The following TJP2 variants were observed in gnomAD, a reference collection of about 807,000 sequenced individuals.
The protein encoded by TJP2 is tight junction protein 2.
TJP2 carries 91 observed loss-of-function variants against 133.1 expected under a neutral mutation model. The observed-to-expected ratio is 0.68, with a 90% CI of 0.58 to 0.81. The LOEUF is 0.81. TJP2 is among the 40% of genes least tolerant of loss of function. The probability of loss-of-function intolerance (pLI) is 0.00; values close to 1 mark genes in which losing one functional copy is unlikely to be tolerated. For synonymous variants in TJP2, 592 were observed against 583.4 expected (o/e 1.01, Z -0.21); for missense variants, 1,541 against 1,565.6 (o/e 0.98, Z 0.26).
intron 1 of TJP2, among the ~76,000 whole-genome samples, chr9:69,142,618 T>C (rs1230860724): frequency 6.6e-6 from 1 of 152,194 alleles, no homozygotes; most frequent in Non-Finnish European, 1.5e-5. Flanking sequence ...AGGGCATTAG[T>C]TCATTTCCCT....
chr9:69,129,532 C>A (rs1587869776), intron 1 of TJP2, among the ~76,000 whole-genome samples: 2 of 152,134 alleles, frequency 1.3e-5, no homozygotes, highest in Middle Eastern at 3.4e-3. Context: ...AAAACCCCGT[C>A]AATTCTACTT....
chr9:69,248,917 A>G (rs2133473098), intron 19 of TJP2: 1 of 991,468 alleles, frequency 1.0e-6, no homozygotes, highest in East Asian at 1.1e-4. Context: ...ATTTCTCTCT[A>G]GCATTTTAGC....
Position 69,221,327 on chromosome 9 carries a change from C to T in TJP2, c.783C>T (p.Tyr261=), listed in dbSNP as rs774738816. 3.8e-6 allele frequency: 6 copies of T among 1,599,090 alleles called. No homozygotes were observed. The highest frequency in any genetic ancestry group is 1.7e-4 in the Middle Eastern group (1 of 6,036). The change falls in exon 5 of 23, where the codon TAC becomes TAT. Residue 261 remains tyrosine (Y), a synonymous_variant. Coordinates refer to ENST00000377245, the MANE Select transcript of TJP2 (RefSeq NM_004817.4). ...RAYHRAYDPD[Y]ERAYSPEYRR... ...ATCACCGGGCCTACGACCCAGACTA[C>T]GAGCGGGCCTACAGCCCGGAGTACA...
chr9:69,145,846 C>T (rs1379868425), intron 1 of TJP2: 2 of 1,210,814 alleles, frequency 1.7e-6, no homozygotes, highest in Admixed American at 4.2e-5. Flanking sequence ...GGAAGCTTCT[C>T]ACTATAGATG....
chr9:69,151,904 T>C (rs1414283860), intron 2 of TJP2: 31 of 922,182 alleles, frequency 3.4e-5, no homozygotes, highest in African/African-American at 3.4e-5. Context: ...TACATTTTCA[T>C]AGAAAATTTA....
chr9:69,242,135 C>A (rs1830618487), intron 17 of TJP2, among the ~76,000 whole-genome samples: 1 of 152,272 alleles, frequency 6.6e-6, no homozygotes, highest in African/African-American at 2.4e-5. Flanking sequence ...GAGAGCAGGG[C>A]AGAAGAAGGC....
chr9:69,247,342 A>C (rs921907259), intron 18 of TJP2, among the ~76,000 whole-genome samples: 1 of 152,208 alleles, frequency 6.6e-6, no homozygotes, highest in Non-Finnish European at 1.5e-5. Flanking sequence ...GCTGTGCTGC[A>C]GGGAGGAGAG....
chr9:69,149,167 C>T (rs941041316), intron 1 of TJP2, among the ~76,000 whole-genome samples: 1 of 152,088 alleles, frequency 6.6e-6, no homozygotes, highest in African/African-American at 2.4e-5. Flanking sequence ...GGTTTGTATA[C>T]ATGAAAAAAC....
chr9:69,133,894 G>C (rs917925711), intron 1 of TJP2, among the ~76,000 whole-genome samples: 1 of 151,956 alleles, frequency 6.6e-6, no homozygotes, highest in Non-Finnish European at 1.5e-5. Flanking sequence ...TTACCTGGAT[G>C]CCCCAGATTT....
Position 69,221,472 on chromosome 9 carries a change from C to G in TJP2, c.928C>G (p.Leu310Val). ...GCGGCCGGGGCCCATCGGGGTCCTC[C>G]TGATGAAAAGCAGAGCGAACGAAGG... ...RGRPGPIGVL[L>V]MKSRANEEYG... Residue 310 changes from leucine (L) to valine (V), a missense_variant, in exon 5 of 23, where the codon CTG (leucine) becomes GTG (valine). By Grantham distance (32) the Leu-to-Val change is conservative. Coordinates refer to ENST00000377245, the MANE Select transcript of TJP2 (RefSeq NM_004817.4). The G allele has an allele frequency of 6.2e-7, 1 of 1,600,844 alleles. No individual in the cohort carries two copies. The highest frequency in any genetic ancestry group is 8.5e-7 in the Non-Finnish European group (1 of 1,173,546).
In TJP2 at chr9:69,226,065, G is replaced by A. The variant is rs766299633; in HGVS notation, c.1100G>A (p.Arg367Gln). The change falls in exon 7 of 23, where the codon CGA becomes CAA. Residue 367 changes from arginine to glutamine, a missense_variant. Coordinates refer to ENST00000377245, the MANE Select transcript of TJP2 (RefSeq NM_004817.4). ...GAGAACATGTCTTTAACGGATGCTC[G>A]AAAATTGATAGAAAAGTCAAGAGGA... Reference protein sequence around the residue: ...VTENMSLTDARKLIEKSRGKL... With the variant: ...VTENMSLTDAQKLIEKSRGKL... 9.9e-6 allele frequency: 16 copies of A among 1,614,010 alleles called. No homozygotes were observed. The highest frequency in any genetic ancestry group is 2.7e-5 in the African/African-American group (2 of 74,898).
At position 69,229,571 on chromosome 9, in the gene TJP2, A is replaced by G. The variant is rs144175882; in HGVS notation, c.1520+321A>G. ...TAGGTGAAGTATTTATTGCTAAACTACGGTGCCCTGTGGTGACTGCACTGA... is the reference window on the plus strand; with the variant it reads ...TAGGTGAAGTATTTATTGCTAAACTGCGGTGCCCTGTGGTGACTGCACTGA... On this transcript the variant is annotated intron_variant, in intron 10 of 22. Transcript: ENST00000377245. Among the ~76,000 whole-genome samples the G allele has an allele frequency of 4.0e-4, 61 of 152,342 alleles. 1 individual carries two copies. The East Asian group carries it at 0.01, about 25-fold the overall frequency.
chr9:69,188,675 A>G (rs940476491), intron 1 of TJP2, among the ~76,000 whole-genome samples: 3 of 152,212 alleles, frequency 2.0e-5, no homozygotes, highest in African/African-American at 7.2e-5. Context: ...TGAGACCCCA[A>G]AGACTCTAAG....
chr9:69,169,987 C>T (rs772718107), upstream of TJP2, among the ~76,000 whole-genome samples: 1 of 152,056 alleles, frequency 6.6e-6, no homozygotes, highest in Non-Finnish European at 1.5e-5. Flanking sequence ...ACTACAGGCA[C>T]ATGCTACCAT....
intron 1 of TJP2, among the ~76,000 whole-genome samples, chr9:69,186,579 A>G (rs9314865): frequency 0.42 from 64,042 of 152,054 alleles, 13,822 homozygotes; most frequent in East Asian, 0.63. Context: ...AGTGGCTGAT[A>G]CACAATGCAC....
intron 1 of TJP2, among the ~76,000 whole-genome samples, chr9:69,183,422 T>G (rs1434087174): frequency 6.6e-6 from 1 of 152,208 alleles, no homozygotes; most frequent in Non-Finnish European, 1.5e-5. Flanking sequence ...AGAGGACCCA[T>G]ATATAAATAA....
In TJP2 at chr9:69,254,287, G is replaced by A; in HGVS notation, c.3486G>A (p.Glu1162=). ...DTRGSYGSDA[E]EEEYRQQLSE... is the part of the protein sequence containing the mutation. ...GAGGAAGTTATGGCAGTGATGCCGA[G>A]GAGGAGGAGTACCGCCAGCAGCTGT... The change falls in exon 23 of 23, where the codon GAG becomes GAA. Residue 1162 remains glutamate (E), a synonymous_variant. Transcript: ENST00000377245. The A allele has an allele frequency of 6.2e-7, 1 of 1,614,184 alleles. No individual in the cohort carries two copies. Among genetic ancestry groups the A allele is most frequent in the Non-Finnish European group, 8.5e-7 (1 of 1,179,980 alleles).
rs140442228 is a variant in TJP2 at position 69,248,122 on chromosome 9, C to T, written c.2778C>T (p.Asp926=). The part of the protein sequence containing the change: ...SRLISDFEDT[D]GEGGAYTDNE... ...TCATCAGTGACTTTGAAGACACGGA[C>T]GGTGAAGGAGGCGCCTACACTGACA... Residue 926 remains aspartate, a synonymous_variant, in exon 19 of 23, where the codon GAC becomes GAT. Transcript: ENST00000377245. 28,293 of 1,614,142 alleles carry T rather than the reference C, an allele frequency of 0.018. 305 individuals are homozygous for T. The highest frequency in any genetic ancestry group is 0.025 in the Middle Eastern group (151 of 6,060).
chr9:69,224,223 C>T (rs1246093957), intron 5 of TJP2, among the ~76,000 whole-genome samples: 4 of 152,184 alleles, frequency 2.6e-5, no homozygotes, highest in Non-Finnish European at 5.9e-5. Context: ...CTTCTTTACC[C>T]CTTTTCTTCA....
Sources: allele counts gnomAD v4.1 joint callset (sites outside exome capture counted in the v4.1 genomes callset), GRCh38; gene constraint gnomAD v4.1.1; transcripts MANE v1.5; gene names NCBI Gene and HGNC (gene_info 2026-07-23, HGNC 2026-07-21).